The following GTF3C4 variants were observed in gnomAD, a reference collection of about 807,000 sequenced individuals.
The protein encoded by GTF3C4 is general transcription factor 3C polypeptide 4.
A neutral mutation model predicts 67.5 loss-of-function variants in GTF3C4; 28 were observed. That is an observed-to-expected ratio of 0.41 (90% CI 0.31 to 0.57). The LOEUF (loss-of-function observed/expected upper bound fraction) is 0.57, where lower values mean the gene tolerates loss of function less well. GTF3C4 is among the 20% of genes least tolerant of loss of function. The pLI is 0.21. For synonymous variants in GTF3C4, 409 were observed against 393.0 expected (o/e 1.04, Z -0.48); for missense variants, 831 against 1,033.2 (o/e 0.80, Z 2.68).
rs34962674 is a variant in GTF3C4 at position 132,682,595 on chromosome 9, C to CTTTTTT, written c.2185-950_2185-945dup. Among the ~76,000 whole-genome samples, 88 of 92,514 alleles carry CTTTTTT rather than the reference C, an allele frequency of 9.5e-4. 1 individual carries two copies. The highest frequency in any genetic ancestry group is 1.8e-3 in the East Asian group (5 of 2,748). 60.7% of individuals were successfully genotyped at this position (92,514 alleles called of 152,430 possible). ...GACTTTTATTTTTAAACAGTATAAT[C>CTTTTTT]TTTTTTTTTTTTTTTTTTTTTTTAC... is the stretch of plus-strand genomic sequence containing the variant. On this transcript the variant is annotated intron_variant, in intron 2 of 4. Transcript: ENST00000372146.
Position 132,670,805 on chromosome 9 carries a change from G to T in GTF3C4, c.207G>T (p.Pro69=). 1 of 1,602,228 alleles carries T rather than the reference G, an allele frequency of 6.2e-7. No homozygotes were observed. The part of the protein sequence containing the change: ...KLQYAVSGLE[P]LAWSEDHRVS... ...AGTATGCGGTGAGCGGCCTGGAACC[G>T]CTGGCTTGGTCCGAGGACCACCGCG... is the stretch of plus-strand genomic sequence containing the variant. Residue 69 remains proline (P), a synonymous_variant, in exon 1 of 5, where the codon CCG becomes CCT. Transcript: ENST00000372146.
At chr9:132,672,087 A>G (rs972893295) in intron 1 of GTF3C4, among the ~76,000 whole-genome samples, 6 of 152,236 alleles carry the variant, frequency 3.9e-5, no homozygotes, top group African/African-American at 1.4e-4. Context: ...AGCTTCCTCT[A>G]AGATCTTCTT....
chr9:132,687,446 TG>T, intron 4 of GTF3C4, 119 bp downstream of exon 4: 1 of 408,544 alleles, frequency 2.4e-6, no homozygotes, highest in African/African-American at 2.5e-5. Context: ...TTGTCGGGGG[TG>T]GGGGGTGGGG....
intron 1 of GTF3C4, among the ~76,000 whole-genome samples, 167 bp downstream of exon 1, chr9:132,671,122 A>G (rs1402894094): frequency 6.6e-6 from 1 of 151,870 alleles, no homozygotes; most frequent in African/African-American, 2.4e-5. Context: ...TAAAAAAAAA[A>G]AAAGAAAAGC....
At position 132,694,935 on chromosome 9, in the gene GTF3C4, AATAAC is replaced by A. The variant is rs756778582; in HGVS notation, c.*5995_*5999del. ...TTTGGCCACTTTTTTATTCAAAATA[AATAAC>A]ATAATTATTTGTATAGTGCGTGTCT... is the stretch of plus-strand genomic sequence containing the variant. On this transcript the variant is annotated 3_prime_UTR_variant, in exon 5 of 5. Coordinates refer to ENST00000372146, the MANE Select transcript of GTF3C4 (RefSeq NM_012204.4). The A allele has an allele frequency of 3.6e-4, 55 of 152,352 alleles. No homozygotes were observed. The highest frequency in any genetic ancestry group is 5.6e-4 in the Non-Finnish European group (38 of 68,034). 9.4% of individuals were successfully genotyped at this position (152,352 alleles called of 1,614,324 possible). A position where few individuals can be genotyped will look rare whatever the true frequency, so the allele number is the denominator to read the frequency against.
In GTF3C4 at chr9:132,688,982, C is replaced by A. The variant is rs767889711; in HGVS notation, c.*37C>A. The A allele has an allele frequency of 4.7e-6, 7 of 1,484,654 alleles. No homozygotes were observed. In the East Asian group the frequency reaches 1.6e-4, roughly 33 times the overall value. 92.0% of individuals were successfully genotyped at this position (1,484,654 alleles called of 1,614,324 possible). A position where few individuals can be genotyped will look rare whatever the true frequency, so the allele number is the denominator to read the frequency against. The stretch of plus-strand genomic sequence containing the variant: ...CGGGAAGATGGAAGGGCATGATGAA[C>A]TCTGCCATAGAAAACTTCCTCCAGC... On this transcript the variant is annotated 3_prime_UTR_variant, in exon 5 of 5. Coordinates refer to ENST00000372146, the MANE Select transcript of GTF3C4 (RefSeq NM_012204.4).
chr9:132,677,675 A>G (rs549570696), intron 1 of GTF3C4, among the ~76,000 whole-genome samples: 16 of 152,382 alleles, frequency 1.0e-4, no homozygotes, highest in South Asian at 2.1e-4. Flanking sequence ...AATTTCAGAT[A>G]AAGGACCTAA....
Position 132,683,693 on chromosome 9 carries a change from G to A in GTF3C4, c.2315G>A (p.Arg772Gln), listed in dbSNP as rs1358398099. Residue 772 changes from arginine (R) to glutamine (Q), a missense_variant and splice_region_variant, in exon 3 of 5, where the codon CGG becomes CAG. By Grantham distance (43) the Arg-to-Gln change is conservative. Transcript: ENST00000372146. ...TGTTCCAATGGCCACATTTGGCTCC[G>A]GTAAGCCATTTTAAAAGTTTCTACT... ...AVCSNGHIWL[R>Q]CFLTYQSCQS... The A allele has an allele frequency of 1.2e-6, 2 of 1,603,944 alleles. No homozygotes were observed. The highest frequency in any genetic ancestry group is 1.7e-6 in the Non-Finnish European group (2 of 1,177,290).
Position 132,679,915 on chromosome 9 carries a change from G to C in GTF3C4, c.2184+112G>C. ...CAACTTTTGCTTTGACATTTTTTAGGTAATTTATTTGCTTGAGGTGCAGGG... is the reference window on the plus strand; with the variant it reads ...CAACTTTTGCTTTGACATTTTTTAGCTAATTTATTTGCTTGAGGTGCAGGG... On this transcript the variant is annotated intron_variant, in intron 2 of 4. Transcript: ENST00000372146. This position sits in a 1 kb window ranked among gnomAD's most constrained non-coding sequence, Gnocchi z 5.9. 1.0e-6 allele frequency: 1 copy of C among 997,286 alleles called. No homozygotes were observed. Among genetic ancestry groups the C allele is most frequent in the Non-Finnish European group, 1.5e-6 (1 of 683,012 alleles). 61.8% of individuals were successfully genotyped at this position (997,286 alleles called of 1,614,324 possible). A position where few individuals can be genotyped will look rare whatever the true frequency, so the allele number is the denominator to read the frequency against.
intron 1 of GTF3C4, among the ~76,000 whole-genome samples, chr9:132,677,530 G>T (rs1438752641): frequency 2.6e-5 from 4 of 152,228 alleles, no homozygotes; most frequent in Non-Finnish European, 5.9e-5. Context: ...GAAGAACTAG[G>T]CAAGGGAGCC....
Position 132,678,007 on chromosome 9 carries a change from A to C in GTF3C4, c.388A>C (p.Lys130Gln). ...VGSKTEVAEC[K>Q]EKFAASKDPT... ...CTCAAAAACAGAAGTTGCTGAGTGC[A>C]AGGAGAAATTCGCCGCCTCCAAGGA... is the stretch of plus-strand genomic sequence containing the variant. The change falls in exon 2 of 5, where the codon AAG (lysine) becomes CAG (glutamine). Residue 130 changes from lysine to glutamine, a missense_variant. Lys to Gln is a moderately conservative substitution (Grantham distance 53). Coordinates refer to ENST00000372146, the MANE Select transcript of GTF3C4 (RefSeq NM_012204.4). The surrounding 1 kb of genome is among the most constrained non-coding windows in gnomAD (Gnocchi z 6.5). 2 of 1,611,954 alleles carry C rather than the reference A, an allele frequency of 1.2e-6. No individual in the cohort carries two copies. The highest frequency in any genetic ancestry group is 1.7e-6 in the Non-Finnish European group (2 of 1,179,144).
At position 132,694,042 on chromosome 9, in the gene GTF3C4, G is replaced by T. The variant is rs934196065; in HGVS notation, c.*5097G>T. The T allele has an allele frequency of 1.3e-5, 2 of 151,906 alleles. No individual in the cohort carries two copies. The highest frequency in any genetic ancestry group is 2.9e-5 in the Non-Finnish European group (2 of 67,976). 9.4% of individuals were successfully genotyped at this position (151,906 alleles called of 1,614,324 possible). Reference sequence around the variant, plus strand: ...ACAGAACAGTCATCTAAAAACATAAGGTTTTGGAAAGGAGATGCTTTTTCA... The same window carrying T: ...ACAGAACAGTCATCTAAAAACATAATGTTTTGGAAAGGAGATGCTTTTTCA... On this transcript the variant is annotated 3_prime_UTR_variant, in exon 5 of 5. Coordinates refer to ENST00000372146, the MANE Select transcript of GTF3C4 (RefSeq NM_012204.4).
chr9:132,682,446 C>T (rs1835959975), intron 2 of GTF3C4, among the ~76,000 whole-genome samples: 1 of 151,284 alleles, frequency 6.6e-6, no homozygotes, highest in Admixed American at 6.6e-5. Flanking sequence ...GGATTCGAAA[C>T]TAGAAGGGCG....
chr9:132,678,399 G>A lies in GTF3C4; in HGVS notation c.780G>A (p.Gln260=), dbSNP rs1266767323. The change falls in exon 2 of 5, where the codon CAG becomes CAA. Residue 260 remains glutamine (Q), a synonymous_variant. Transcript: ENST00000372146. This position sits in a 1 kb window ranked among gnomAD's most constrained non-coding sequence, Gnocchi z 6.5. The stretch of plus-strand genomic sequence containing the variant: ...AGTGGTCGGGCATCTGTACCACCCA[G>A]CAGGTCAAGCATAACAACGAATGCC... ...RMEWSGICTT[Q]QVKHNNECRD... 2 of 1,614,246 alleles carry A rather than the reference G, an allele frequency of 1.2e-6. No individual in the cohort carries two copies. The highest frequency in any genetic ancestry group is 1.1e-5 in the South Asian group (1 of 91,084).
chr9:132,684,352 A>G (rs983295295), intron 3 of GTF3C4, among the ~76,000 whole-genome samples: 2 of 152,014 alleles, frequency 1.3e-5, no homozygotes, highest in African/African-American at 2.4e-5. Context: ...TTTTGTTCCT[A>G]CCTCTGCAGC....
At chr9:132,677,336 G>A (rs1326726091) in intron 1 of GTF3C4, among the ~76,000 whole-genome samples, 1 of 152,140 alleles carries the variant, frequency 6.6e-6, no homozygotes, top group Non-Finnish European at 1.5e-5. Flanking sequence ...CTGGAGGTGG[G>A]GTTTGCGGTG....
chr9:132,675,868 G>T (rs1475006715), intron 1 of GTF3C4, among the ~76,000 whole-genome samples: 2 of 145,718 alleles, frequency 1.4e-5, no homozygotes, highest in African/African-American at 2.5e-5. Context: ...GCAGAAAAGA[G>T]AATAAGAATA....
rs1468950956 is a variant in GTF3C4 at position 132,679,279 on chromosome 9, C to T, written c.1660C>T (p.Pro554Ser). Reference protein sequence around the residue: ...RWKILKDKHIPQFLQEALEKK... With the variant: ...RWKILKDKHISQFLQEALEKK... ...GAAGATTTTAAAAGATAAACATATCCCTCAATTTTTACAAGAAGCTTTGGA... is the reference window on the plus strand; with the variant it reads ...GAAGATTTTAAAAGATAAACATATCTCTCAATTTTTACAAGAAGCTTTGGA... The change falls in exon 2 of 5, where the codon CCT becomes TCT. Residue 554 changes from proline to serine, a missense_variant. Around this residue, in one of 4 missense-constraint regions of GTF3C4, gnomAD observed 390 missense variants for 540.3 expected, o/e 0.72. Transcript: ENST00000372146. The surrounding 1 kb of genome is among the most constrained non-coding windows in gnomAD (Gnocchi z 5.9). 3 of 1,613,500 alleles carry T rather than the reference C, an allele frequency of 1.9e-6. No homozygotes were observed. The highest frequency in any genetic ancestry group is 2.5e-6 in the Non-Finnish European group (3 of 1,179,834).
intron 4 of GTF3C4, 24 bp from the exon 5 acceptor site, chr9:132,688,857 A>G (rs111548280): frequency 6.3e-7 from 1 of 1,581,700 alleles, no homozygotes; most frequent in Non-Finnish European, 8.7e-7. Context: ...CTAACAGTTG[A>G]TACCACTTGT....
Sources: gnomAD v4.1 joint callset for allele counts (sites outside exome capture counted in the v4.1 genomes callset) on GRCh38, gnomAD v4.1.1 for gene constraint, gnomAD v4.1.1 regional missense constraint, Gnocchi (gnomAD v3.1) non-coding constraint, MANE v1.5 for transcripts, NCBI Gene and HGNC (gene_info 2026-07-23, HGNC 2026-07-21) for gene names.